The following MIDEAS variants were observed in gnomAD, a reference collection of about 807,000 sequenced individuals.
The protein encoded by MIDEAS is mitotic deacetylase associated SANT domain protein, also known as mitotic deacetylase-associated SANT domain protein.
Under a neutral mutation model 102.7 loss-of-function variants are expected in MIDEAS, and 26 were observed. The observed-to-expected ratio is 0.25, with a 90% CI of 0.19 to 0.35. The LOEUF (loss-of-function observed/expected upper bound fraction) is 0.35, where lower values mean the gene tolerates loss of function less well. MIDEAS is among the 10% of genes least tolerant of loss of function. MIDEAS has a pLI of 1.00. For synonymous variants in MIDEAS, 585 were observed against 591.0 expected (o/e 0.99, Z 0.15); for missense variants, 1,231 against 1,435.6 (o/e 0.86, Z 2.30).
intron 1 of MIDEAS, among the ~76,000 whole-genome samples, chr14:73,774,537 T>G (rs530137044): frequency 6.6e-6 from 1 of 152,014 alleles, no homozygotes; most frequent in African/African-American, 2.4e-5. Context: ...GTATTAATAT[T>G]TATCCTTCTT....
In MIDEAS at chr14:73,739,905, G is replaced by A; in HGVS notation, c.104C>T (p.Pro35Leu). The change falls in exon 2 of 13, where the codon CCC becomes CTC. Residue 35 changes from proline (P) to leucine (L), a missense_variant. By Grantham distance (98) the Pro-to-Leu change is moderately conservative (BLOSUM62 -3). Coordinates refer to ENST00000423556, the MANE Select transcript of MIDEAS (RefSeq NM_001367710.1). ...CTCCTTCACTCTGATGGACTGCTGG[G>A]GGGGCTGCAGGGGAGGGGGCTGCTC... ...PKEQPPPLQP[P>L]QQSIRVKEEQ... 6.5e-7 allele frequency: 1 copy of A among 1,548,772 alleles called. No homozygotes were observed. The highest frequency in any genetic ancestry group is 8.7e-7 in the Non-Finnish European group (1 of 1,146,922).
intron 1 of MIDEAS, among the ~76,000 whole-genome samples, chr14:73,785,397 T>A (rs1161618606): frequency 6.6e-6 from 1 of 152,112 alleles, no homozygotes; most frequent in Non-Finnish European, 1.5e-5. Context: ...GCTAAGAAAG[T>A]GGGCCTAGGG....
chr14:73,761,619 A>G (rs921463924), upstream of MIDEAS, among the ~76,000 whole-genome samples: 1 of 152,200 alleles, frequency 6.6e-6, no homozygotes, highest in African/African-American at 2.4e-5. Context: ...TTCCAGTTCA[A>G]GATCCATGAT....
At position 73,739,861 on chromosome 14, in the gene MIDEAS, C is replaced by T. The variant is rs758370212; in HGVS notation, c.148G>A (p.Glu50Lys). Residue 50 changes from glutamate to lysine, a missense_variant, in exon 2 of 13, where the codon GAG (glutamate) becomes AAG (lysine). Glu to Lys is a moderately conservative substitution (Grantham distance 56, BLOSUM62 1). Coordinates refer to ENST00000423556, the MANE Select transcript of MIDEAS (RefSeq NM_001367710.1). ...RVKEEQYLGH[E>K]GPGGAVSTSQ... The stretch of plus-strand genomic sequence containing the variant: ...GTGGAGACTGCCCCTCCTGGACCCT[C>T]GTGCCCGAGGTACTGCTCCTCCTTC... 2.3e-5 allele frequency: 37 copies of T among 1,593,874 alleles called. No individual in the cohort carries two copies. The highest frequency in any genetic ancestry group is 1.7e-4 in the Middle Eastern group (1 of 5,988).
chr14:73,739,680 C>T lies in MIDEAS; in HGVS notation c.329G>A (p.Arg110His), dbSNP rs143953597. Residue 110 changes from arginine (R) to histidine (H), a missense_variant, in exon 2 of 13, where the codon CGT (arginine) becomes CAT (histidine). Physicochemically the swap from Arg to His is conservative, Grantham distance 29 (BLOSUM62 0). Around this residue, in one of 5 missense-constraint regions of MIDEAS, gnomAD observed 758 missense variants for 856.0 expected, o/e 0.89. Coordinates refer to ENST00000423556, the MANE Select transcript of MIDEAS (RefSeq NM_001367710.1). Reference protein sequence around the residue: ...SVMAPGRGPERGGGGGVSDSS... With the variant: ...SVMAPGRGPEHGGGGGVSDSS... ...GTCACTGACACCCCCACCTCCTCCA[C>T]GCTCCGGGCCCCGCCCTGGAGCCAT... 101 of 1,613,674 alleles carry T rather than the reference C, an allele frequency of 6.3e-5. No individual in the cohort carries two copies. The highest frequency in any genetic ancestry group is 3.5e-4 in the African/African-American group (26 of 74,940).
intron 1 of MIDEAS, among the ~76,000 whole-genome samples, chr14:73,750,875 A>T (rs191779479): frequency 2.6e-5 from 4 of 152,374 alleles, no homozygotes; most frequent in East Asian, 3.9e-4. Context: ...GCATGGAGCC[A>T]AGGTTTATCC....
chr14:73,755,932 A>G (rs2053474250), intron 1 of MIDEAS, among the ~76,000 whole-genome samples: 1 of 152,132 alleles, frequency 6.6e-6, no homozygotes, highest in Non-Finnish European at 1.5e-5. Context: ...CTGCATGCAT[A>G]ATCCTGTCTA....
At chr14:73,766,391 C>T (rs1305647557) in intron 1 of MIDEAS, among the ~76,000 whole-genome samples, 1 of 152,140 alleles carries the variant, frequency 6.6e-6, no homozygotes, top group African/African-American at 2.4e-5. Flanking sequence ...TTAAAGTAAG[C>T]AATACAATGT....
intron 3 of MIDEAS, among the ~76,000 whole-genome samples, chr14:73,734,519 C>T (rs944286509): frequency 4.0e-5 from 6 of 151,782 alleles, no homozygotes; most frequent in Non-Finnish European, 8.8e-5. Flanking sequence ...GCGATCCTCC[C>T]ACCTCAGCCT....
At chr14:73,732,350 GAAA>G (rs147940377) in intron 3 of MIDEAS, among the ~76,000 whole-genome samples, 13,057 of 152,044 alleles carry the variant, frequency 0.086, 629 homozygotes, top group African/African-American at 0.14. Context: ...AGATCTAGGT[GAAA>G]AAAAAGAAAG....
chr14:73,776,153 G>A (rs1439939076), intron 1 of MIDEAS, among the ~76,000 whole-genome samples: 7 of 151,972 alleles, frequency 4.6e-5, no homozygotes, highest in Non-Finnish European at 1.5e-5. Context: ...GCCTGTTGGA[G>A]AGAGCCAACC....
At chr14:73,731,126 G>A (rs754073119) in intron 3 of MIDEAS, among the ~76,000 whole-genome samples, 2 of 152,182 alleles carry the variant, frequency 1.3e-5, no homozygotes, top group Non-Finnish European at 2.9e-5. Context: ...CCTCTATCTA[G>A]AATAGAAAGC....
chr14:73,738,924 C>T lies in MIDEAS; in HGVS notation c.1085G>A (p.Gly362Glu), dbSNP rs1437516209. The T allele has an allele frequency of 6.5e-7, 1 of 1,527,938 alleles. No individual in the cohort carries two copies. The highest frequency in any genetic ancestry group is 2.3e-5 in the East Asian group (1 of 44,104). The allele number at this position is 1,527,938 out of a possible 1,614,324, so 94.6% of individuals were successfully genotyped here. A position where few individuals can be genotyped will look rare whatever the true frequency, so the allele number is the denominator to read the frequency against. ...CTCCTGCCCAGGCTGGGTGCCAGCC[C>T]CATCCAGGGCGCTGGGAGGCAGGAT... ...EGILPPSALD[G>E]AGTQPGQEAT... is the part of the protein sequence containing the mutation. Residue 362 changes from glycine to glutamate, a missense_variant, in exon 2 of 13, where the codon GGG (glycine) becomes GAG (glutamate). By Grantham distance (98) the Gly-to-Glu change is moderately conservative (BLOSUM62 -2). Coordinates refer to ENST00000423556, the MANE Select transcript of MIDEAS (RefSeq NM_001367710.1).
rs1566576709 is a variant in MIDEAS at position 73,715,376 on chromosome 14, A to G, written c.*3467T>C. Reference sequence around the variant, plus strand: ...TAAAAAAGGATGCCACAGGCAGCAAACACACAAAAGGCAGTGTCTGATCAT... The same window carrying G: ...TAAAAAAGGATGCCACAGGCAGCAAGCACACAAAAGGCAGTGTCTGATCAT... On this transcript the variant is annotated 3_prime_UTR_variant, in exon 13 of 13. Transcript: ENST00000423556. 6.5e-6 allele frequency: 1 copy of G among 152,694 alleles called. No homozygotes were observed. The highest frequency in any genetic ancestry group is 1.5e-5 in the Non-Finnish European group (1 of 68,050). 9.5% of individuals were successfully genotyped at this position (152,694 alleles called of 1,614,324 possible).
rs1352197769 is a variant in MIDEAS at position 73,718,281 on chromosome 14, C to G, written c.*562G>C. The G allele has an allele frequency of 6.6e-6, 1 of 152,392 alleles. No individual in the cohort carries two copies. The highest frequency in any genetic ancestry group is 1.9e-4 in the East Asian group (1 of 5,194). 9.4% of individuals were successfully genotyped at this position (152,392 alleles called of 1,614,324 possible). A position where few individuals can be genotyped will look rare whatever the true frequency, so the allele number is the denominator to read the frequency against. ...GACACGGTCACGGGAGCAGCTCAGA[C>G]AGGCCTAGAGACTGCAGGGACAGCA... On this transcript the variant is annotated 3_prime_UTR_variant, in exon 13 of 13. Coordinates refer to ENST00000423556, the MANE Select transcript of MIDEAS (RefSeq NM_001367710.1).
rs181856488 is a variant in MIDEAS at position 73,757,030 on chromosome 14, T to C, written c.-248+2733A>G. 2.2e-3 allele frequency among the ~76,000 whole-genome samples: 337 copies of C among 152,130 alleles called. 3 individuals are homozygous for C. The highest frequency in any genetic ancestry group is 1.7e-3 in the Non-Finnish European group (114 of 67,988). On this transcript the variant is annotated intron_variant, in intron 1 of 12. Coordinates refer to ENST00000423556, the MANE Select transcript of MIDEAS (RefSeq NM_001367710.1). ...GTTCAAGACTGTAATCCCAGCACTT[T>C]GGGAGGCCAAAGTGGGTGGATTTCT...
At chr14:73,772,656 TAA>T (rs936396004) in intron 1 of MIDEAS, among the ~76,000 whole-genome samples, 1 of 152,100 alleles carries the variant, frequency 6.6e-6, no homozygotes, top group Non-Finnish European at 1.5e-5. Context: ...GGTATGAGAT[TAA>T]AAAAATAATA....
At chr14:73,750,223 TAC>T (rs1391154571) in intron 1 of MIDEAS, among the ~76,000 whole-genome samples, 1 of 152,192 alleles carries the variant, frequency 6.6e-6, no homozygotes, top group Non-Finnish European at 1.5e-5. Context: ...GCTCTGCTGT[TAC>T]AGAGCCAGAA....
At chr14:73,789,563 G>T (rs1595309196), upstream of MIDEAS, among the ~76,000 whole-genome samples, 1 of 152,170 alleles carries the variant, frequency 6.6e-6, no homozygotes, top group South Asian at 2.1e-4. Context: ...TGTGTTTTGA[G>T]GAATTCATTA....
Sources: gnomAD v4.1 joint callset for allele counts (sites outside exome capture counted in the v4.1 genomes callset) on GRCh38, gnomAD v4.1.1 for gene constraint, gnomAD v4.1.1 regional missense constraint, MANE v1.5 for transcripts, NCBI Gene and HGNC (gene_info 2026-07-23, HGNC 2026-07-21) for gene names.